HPS5: variants seen among roughly 807,000 people sequenced by gnomAD.
HPS5 encodes the protein BLOC-2 complex member HPS5.
In HPS5, 83 loss-of-function variants were observed where a neutral mutation model predicts 128.0. That is an observed-to-expected ratio of 0.65 (90% CI 0.54 to 0.78). The LOEUF (loss-of-function observed/expected upper bound fraction) is 0.78. Ranked by LOEUF, HPS5 falls within the 30% of genes least tolerant of loss-of-function variation. The probability of loss-of-function intolerance (pLI) is 0.00; values close to 1 mark genes in which losing one functional copy is unlikely to be tolerated. For synonymous variants in HPS5, 475 were observed against 470.2 expected, an observed-to-expected ratio of 1.01 and a Z score of -0.13; for missense variants, 1,281 against 1,326.2, an observed-to-expected ratio of 0.97 and a Z score of 0.53.
intron 5 of HPS5, among the ~76,000 whole-genome samples, chr11:18,309,423 C>G (rs1340176807): frequency 1.3e-5 from 2 of 152,096 alleles, no homozygotes; most frequent in Non-Finnish European, 2.9e-5. Flanking sequence ...GGCAGAAGAA[C>G]TGCTTGAGCC....
chr11:18,280,480 G>T, intron 22 of HPS5: 1 of 670,504 alleles, frequency 1.5e-6, no homozygotes. Flanking sequence ...CAGTATGGTG[G>T]TTCCTCAAAA....
At chr11:18,288,157 G>A in intron 16 of HPS5, 144 bp from the exon 17 acceptor site, 1 of 768,072 alleles carries the variant, frequency 1.3e-6, no homozygotes, top group South Asian at 1.7e-5. Flanking sequence ...AGCATTACAA[G>A]AGAAACAAAT....
intron 3 of HPS5, 79 bp from the exon 4 acceptor site, chr11:18,311,530 A>G (rs960012496): frequency 8.0e-6 from 3 of 377,244 alleles, no homozygotes; most frequent in Non-Finnish European, 1.2e-5. Flanking sequence ...TTTTTTTTTG[A>G]GACTGAGTCT....
chr11:18,308,834 A>G (rs1282196213), intron 6 of HPS5, 112 bp downstream of exon 6: 1 of 1,026,906 alleles, frequency 9.7e-7, no homozygotes, highest in Non-Finnish European at 1.4e-6. Flanking sequence ...AAAAAAAAGA[A>G]AAAGAAAAAA....
chr11:18,312,146 A>G, intron 2 of HPS5, 122 bp from the exon 3 acceptor site: 1 of 746,434 alleles, frequency 1.3e-6, no homozygotes, highest in Non-Finnish European at 2.4e-6. Context: ...CCCTCTGCCC[A>G]TATGGACACA....
At chr11:18,292,827 A>G in intron 15 of HPS5, 72 bp downstream of exon 15, 2 of 1,120,750 alleles carry the variant, frequency 1.8e-6, no homozygotes, top group Non-Finnish European at 1.4e-6. Context: ...TAAAAAACTT[A>G]CAATATAATG....
chr11:18,305,235 A>C (rs563288483), intron 8 of HPS5, among the ~76,000 whole-genome samples, 187 bp downstream of exon 8: 1 of 152,218 alleles, frequency 6.6e-6, no homozygotes, highest in South Asian at 2.1e-4. Context: ...TGGAAAGAGA[A>C]GTGTATTTCT....
chr11:18,317,909 T>G lies in HPS5; in HGVS notation c.-49-2A>C, dbSNP rs374019636. The G allele has an allele frequency of 6.3e-7, 1 of 1,581,592 alleles. No homozygotes were observed. The highest frequency in any genetic ancestry group is 1.3e-5 in the African/African-American group (1 of 74,368). On this transcript the variant is annotated splice_acceptor_variant, in intron 1 of 22. Transcript: ENST00000349215. LOFTEE classifies it low-confidence loss of function (5UTR_SPLICE). ...AATGATAGATACAGTATTCCTCACC[T>G]GAATAAAATCCACAAAAATATAATT... is the stretch of plus-strand genomic sequence containing the variant.
chr11:18,290,810 G>A (rs369481506), intron 16 of HPS5, among the ~76,000 whole-genome samples: 13 of 152,236 alleles, frequency 8.5e-5, no homozygotes, highest in African/African-American at 2.2e-4. Context: ...GTAATCCCAC[G>A]ACTCAGAAAA....
At chr11:18,317,701 T>A in intron 2 of HPS5, 50 bp downstream of exon 2, 3 of 1,580,332 alleles carry the variant, frequency 1.9e-6, no homozygotes. Context: ...AGGGGCACAG[T>A]AACAGAGAGC....
chr11:18,283,706 T>C (rs575605716), intron 21 of HPS5, 89 bp downstream of exon 21: 9 of 835,250 alleles, frequency 1.1e-5, no homozygotes, highest in South Asian at 5.4e-5. Context: ...TATATGATCA[T>C]TGAAAGGTTC....
chr11:18,296,599 C>T lies in HPS5; in HGVS notation c.1510+199G>A, dbSNP rs377306252. On this transcript the variant is annotated intron_variant, in intron 12 of 22. Coordinates refer to ENST00000349215, the MANE Select transcript of HPS5 (RefSeq NM_181507.2). ...AAACAGGCCCTAATGTTAGTCCAAA[C>T]GTGAGGGGAAAAAATACTAAACATA... is the stretch of plus-strand genomic sequence containing the variant. 2.0e-5 allele frequency: 14 copies of T among 686,482 alleles called. 1 individual carries two copies. The highest frequency in any genetic ancestry group is 1.2e-4 in the African/African-American group (7 of 56,458). 42.5% of individuals were successfully genotyped at this position (686,482 alleles called of 1,614,324 possible). A position where few individuals can be genotyped will look rare whatever the true frequency, so the allele number is the denominator to read the frequency against.
chr11:18,308,953 T>G lies in HPS5; in HGVS notation c.604A>C (p.Thr202Pro), dbSNP rs746238277. 2 of 1,614,008 alleles carry G rather than the reference T, an allele frequency of 1.2e-6. No homozygotes were observed. Among genetic ancestry groups the G allele is most frequent in the Non-Finnish European group, 1.7e-6 (2 of 1,179,990 alleles). ...SSLTRSFLCD[T>P]EREKFWKIGN... Reference sequence around the variant, plus strand: ...AATGGTTGGTCAATATACCTCTCAGTGTCACACAAGAAGGATCGAGTAAGT... The same window carrying G: ...AATGGTTGGTCAATATACCTCTCAGGGTCACACAAGAAGGATCGAGTAAGT... Residue 202 changes from threonine (T) to proline (P), a missense_variant, in exon 6 of 23, where the codon ACT becomes CCT. Coordinates refer to ENST00000349215, the MANE Select transcript of HPS5 (RefSeq NM_181507.2).
rs78796396 is a variant in HPS5, at chr11:18,299,153, G to A, written c.986-183C>T. 0.14 allele frequency among the ~76,000 whole-genome samples: 21,155 copies of A among 152,120 alleles called. 1,575 individuals carry two copies. Among genetic ancestry groups the A allele is most frequent in the African/African-American group, 0.19 (7,881 of 41,476 alleles). On this transcript the variant is annotated intron_variant, in intron 9 of 22. Transcript: ENST00000349215. The stretch of plus-strand genomic sequence containing the variant: ...CATATTTTAGAAACTATTCTAAAAA[G>A]ATCAAGAATAAAAGATGTGAAGAAA...
At position 18,308,932 on chromosome 11, in the gene HPS5, G is replaced by C. The variant is rs1269345148; in HGVS notation, c.611+14C>G. On this transcript the variant is annotated intron_variant, in intron 6 of 22. Coordinates refer to ENST00000349215, the MANE Select transcript of HPS5 (RefSeq NM_181507.2). ...AATTCTGCATTTCTGATGACTAATG[G>C]TTGGTCAATATACCTCTCAGTGTCA... 3.7e-6 allele frequency: 6 copies of C among 1,613,568 alleles called. No individual in the cohort carries two copies. Among genetic ancestry groups the C allele is most frequent in the Non-Finnish European group, 4.2e-6 (5 of 1,179,574 alleles).
intron 22 of HPS5, chr11:18,280,527 C>T (rs998657080): frequency 4.3e-6 from 3 of 693,476 alleles, no homozygotes; most frequent in Admixed American, 2.1e-5. Context: ...TCCAGAATTC[C>T]ACTTTCAGGT....
rs1858611242 is a variant in HPS5, at chr11:18,279,622, C to T, written c.*260G>A. ...TAGGACATTAACATTCTAATTCCAG[C>T]AAACAAGGACTGACTCTTTTCAAAA... On this transcript the variant is annotated 3_prime_UTR_variant, in exon 23 of 23. Coordinates refer to ENST00000349215, the MANE Select transcript of HPS5 (RefSeq NM_181507.2). The T allele has an allele frequency of 1.9e-6, 1 of 520,552 alleles. No homozygotes were observed. Among genetic ancestry groups the T allele is most frequent in the African/African-American group, 1.9e-5 (1 of 52,062 alleles). 32.2% of individuals were successfully genotyped at this position (520,552 alleles called of 1,614,324 possible). A position where few individuals can be genotyped will look rare whatever the true frequency, so the allele number is the denominator to read the frequency against.
In HPS5 at chr11:18,279,638, C is replaced by T. The variant is rs928603180; in HGVS notation, c.*244G>A. 1 of 553,094 alleles carries T rather than the reference C, an allele frequency of 1.8e-6. No homozygotes were observed. The highest frequency in any genetic ancestry group is 1.9e-5 in the African/African-American group (1 of 52,822). The allele number at this position is 553,094 out of a possible 1,614,324, so 34.3% of individuals were successfully genotyped here. ...TAATTCCAGCAAACAAGGACTGACT[C>T]TTTTCAAAATTCAACTTTGGTTAAG... On this transcript the variant is annotated 3_prime_UTR_variant, in exon 23 of 23. Coordinates refer to ENST00000349215, the MANE Select transcript of HPS5 (RefSeq NM_181507.2).
Position 18,309,025 on chromosome 11 carries a change from A to C in HPS5, c.532T>G (p.Cys178Gly), listed in dbSNP as rs760650512. 1 of 1,613,442 alleles carries C rather than the reference A, an allele frequency of 6.2e-7. No individual in the cohort carries two copies. The highest frequency in any genetic ancestry group is 1.3e-5 in the African/African-American group (1 of 74,932). ...PVQTITTVDS[C>G]VVQLDYLDGR... ...TCCAAATAATCTAACTGTACAACAC[A>C]GGAGTCAACAGTTGTGATTGTCTGA... is the stretch of plus-strand genomic sequence containing the variant. Residue 178 changes from cysteine to glycine, a missense_variant, in exon 6 of 23, where the codon TGT becomes GGT. Coordinates refer to ENST00000349215, the MANE Select transcript of HPS5 (RefSeq NM_181507.2).
Sources: gnomAD v4.1 joint callset for allele counts (sites outside exome capture counted in the v4.1 genomes callset) on GRCh38, gnomAD v4.1.1 for gene constraint, MANE v1.5 for transcripts, NCBI Gene and HGNC (gene_info 2026-07-23, HGNC 2026-07-21) for gene names.